Variants in RGS6 observed in about 807,000 individuals in gnomAD.
RGS6 encodes the protein regulator of G-protein signaling 6.
RGS6 carries 30 observed loss-of-function variants against 78.5 expected under a neutral mutation model. That is an observed-to-expected ratio of 0.38 (90% CI 0.29 to 0.52). The LOEUF is 0.52. Ranked by LOEUF, RGS6 falls within the 20% of genes least tolerant of loss-of-function variation. RGS6 has a pLI of 0.85. For missense variants in RGS6, 495 were observed against 609.7 expected, an observed-to-expected ratio of 0.81 and a Z score of 1.98; for synonymous variants, 206 against 206.0, an observed-to-expected ratio of 1.00 and a Z score of 0.00.
the RGS6 span, among the ~76,000 whole-genome samples, chr14:72,595,736 G>T: frequency 1.7e-4 from 26 of 152,324 alleles, no homozygotes; most frequent in African/African-American, 6.0e-4. Flanking sequence ...CTTCTTTAAA[G>T]GTTACTCTGG....
the RGS6 span, among the ~76,000 whole-genome samples, chr14:72,616,870 AG>A: frequency 2.0e-5 from 3 of 152,228 alleles, no homozygotes; most frequent in African/African-American, 7.2e-5. Flanking sequence ...GTCTGCTTGT[AG>A]TACCCTGACA....
At chr14:72,483,101 G>T (rs373458372) in intron 12 of RGS6, among the ~76,000 whole-genome samples, 4 of 152,178 alleles carry the variant, frequency 2.6e-5, no homozygotes, top group African/African-American at 9.7e-5. Flanking sequence ...CCCCAAGGGA[G>T]TCCCTTTTTT....
chr14:71,987,198 C>T (rs1329332581), intron 2 of RGS6, among the ~76,000 whole-genome samples: 1 of 152,120 alleles, frequency 6.6e-6, no homozygotes, highest in African/African-American at 2.4e-5. Context: ...AGGAGGTACG[C>T]TGAAGTTTTG....
rs376368446 is a variant in RGS6 at position 72,195,900 on chromosome 14, A to G, written c.85-156195A>G. Among the ~76,000 whole-genome samples, 179 of 152,352 alleles carry G rather than the reference A, an allele frequency of 1.2e-3. 1 individual carries two copies. Among genetic ancestry groups the G allele is most frequent in the African/African-American group, 4.0e-3 (168 of 41,590 alleles). ...AGTGGGTACAGATCGCAGAAGAGTC[A>G]ATACCACACACAAGATTTTGAACTT... On this transcript the variant is annotated intron_variant, in intron 2 of 17. Transcript: ENST00000553525.
chr14:72,024,880 A>G (rs551726695), intron 2 of RGS6, among the ~76,000 whole-genome samples: 134 of 152,322 alleles, frequency 8.8e-4, no homozygotes, highest in Non-Finnish European at 1.2e-3. Context: ...ATGTGAAGCA[A>G]TGTCCTATAG....
intron 2 of RGS6, among the ~76,000 whole-genome samples, chr14:72,129,838 G>A (rs904389965): frequency 1.3e-5 from 2 of 152,144 alleles, no homozygotes; most frequent in African/African-American, 4.8e-5. Flanking sequence ...GATTCAAAGG[G>A]AGGGAAAAGA....
downstream of RGS6, among the ~76,000 whole-genome samples, chr14:72,571,529 G>A (rs74675832): frequency 0.035 from 5,315 of 152,300 alleles, 340 homozygotes; most frequent in African/African-American, 0.12. Context: ...TGCGTTTATA[G>A]CCAACTGATT....
intron 2 of RGS6, among the ~76,000 whole-genome samples, chr14:72,151,996 C>T (rs1055657057): frequency 2.6e-5 from 4 of 152,042 alleles, no homozygotes; most frequent in Non-Finnish European, 5.9e-5. Flanking sequence ...CCTTTACTTC[C>T]CAAGGAGATT....
chr14:72,547,350 G>A (rs1843416609), intron 17 of RGS6: 8 of 1,535,068 alleles, frequency 5.2e-6, no homozygotes, highest in Non-Finnish European at 7.0e-6. Context: ...CAAGTCTGAG[G>A]ACTTCAAAGG....
At chr14:72,157,511 T>C (rs959905530) in intron 2 of RGS6, among the ~76,000 whole-genome samples, 11 of 152,226 alleles carry the variant, frequency 7.2e-5, no homozygotes, top group Admixed American at 3.3e-4. Context: ...TTCTGAGAGA[T>C]GATTTCCCAG....
chr14:72,360,659 C>A (rs775510816), intron 3 of RGS6, among the ~76,000 whole-genome samples: 11 of 151,884 alleles, frequency 7.2e-5, no homozygotes, highest in Non-Finnish European at 1.5e-4. Flanking sequence ...TCCTAGTAAT[C>A]TGGAAACCAA....
chr14:72,480,779 C>A (rs2096359433), intron 12 of RGS6, among the ~76,000 whole-genome samples: 1 of 152,136 alleles, frequency 6.6e-6, no homozygotes, highest in African/African-American at 2.4e-5. Flanking sequence ...ATCCACATCC[C>A]CATCCTGATC....
At chr14:72,287,331 T>G (rs1434121700) in intron 2 of RGS6, among the ~76,000 whole-genome samples, 1 of 152,228 alleles carries the variant, frequency 6.6e-6, no homozygotes, top group African/African-American at 2.4e-5. Context: ...ATTAGGACTT[T>G]CAGTAGTATG....
chr14:72,132,029 TC>T (rs552665198), intron 2 of RGS6, among the ~76,000 whole-genome samples: 3 of 152,210 alleles, frequency 2.0e-5, no homozygotes, highest in Non-Finnish European at 4.4e-5. Context: ...TTAGTCATTT[TC>T]TTATCCAAAC....
chr14:72,175,486 T>C (rs913890112), intron 2 of RGS6, among the ~76,000 whole-genome samples: 1 of 152,184 alleles, frequency 6.6e-6, no homozygotes, highest in African/African-American at 2.4e-5. Flanking sequence ...ATTGAGTGCA[T>C]GTTATGTTCT....
At chr14:72,106,958 C>T (rs776046169) in intron 2 of RGS6, among the ~76,000 whole-genome samples, 8 of 151,794 alleles carry the variant, frequency 5.3e-5, no homozygotes, top group East Asian at 1.9e-4. Flanking sequence ...CATCAGGAGG[C>T]GCAGGAAGTC....
intron 1 of RGS6, among the ~76,000 whole-genome samples, chr14:71,954,661 A>G (rs2153009237): frequency 6.6e-6 from 1 of 152,258 alleles, no homozygotes; most frequent in Non-Finnish European, 1.5e-5. Flanking sequence ...GTGCTATCAA[A>G]TGGTAGGTCT....
chr14:72,046,903 C>A (rs542499395), intron 2 of RGS6, among the ~76,000 whole-genome samples: 42 of 152,186 alleles, frequency 2.8e-4, no homozygotes, highest in Non-Finnish European at 3.2e-4. Flanking sequence ...TCACAGCCTT[C>A]CAGTATCGAC....
intron 2 of RGS6, among the ~76,000 whole-genome samples, chr14:72,271,239 A>G (rs1408495626): frequency 6.6e-6 from 1 of 152,242 alleles, no homozygotes; most frequent in East Asian, 1.9e-4. Context: ...TCTCAGTTCC[A>G]CATGGCTGGG....
Sources: allele counts gnomAD v4.1 joint callset (sites outside exome capture counted in the v4.1 genomes callset), GRCh38; gene constraint gnomAD v4.1.1; transcripts MANE v1.5; gene names NCBI Gene and HGNC (gene_info 2026-07-23, HGNC 2026-07-21).